NEB: variants seen among roughly 807,000 people sequenced by gnomAD.
NEB encodes the protein nemaline myopathy type 2.
NEB carries 512 observed loss-of-function variants against 952.2 expected under a neutral mutation model. That is an observed-to-expected ratio of 0.54 (90% CI 0.50 to 0.58). NEB has a LOEUF of 0.58. Ranked by LOEUF, NEB falls within the 20% of genes least tolerant of loss-of-function variation. The pLI is 0.00. For missense variants in NEB, 8,428 were observed against 9,231.1 expected, an observed-to-expected ratio of 0.91 and a Z score of 3.56; for synonymous variants, 2,900 against 3,149.8, an observed-to-expected ratio of 0.92 and a Z score of 2.66.
chr2:151,531,251 A>G lies in NEB; in HGVS notation c.21523-150T>C, dbSNP rs112305111. 1.7e-5 allele frequency: 9 copies of G among 519,952 alleles called. No individual in the cohort carries two copies. The East Asian group carries it at 2.6e-4, about 15-fold the overall frequency. 32.2% of individuals were successfully genotyped at this position (519,952 alleles called of 1,614,324 possible). On this transcript the variant is annotated intron_variant, in intron 144 of 181. Transcript: ENST00000397345. ...CTTTCATGCTCTCTGCTAAGACTTC[A>G]GTGTTTCCAGCTGGCGTGTCTGCCA...
intron 171 of NEB, 165 bp from the exon 172 acceptor site, chr2:151,497,198 A>C: frequency 1.3e-6 from 1 of 743,386 alleles, no homozygotes; most frequent in Non-Finnish European, 1.6e-6. Flanking sequence ...CTTTAGTGGA[A>C]GTTGTTGGGA....
rs532139457 is a variant in NEB, at chr2:151,716,283, C to T, written c.822+1133G>A. ...CCTCCCAAGTAGCTGAGATTACAGG[C>T]GCCCGCCACCACGCCTGGCTAATTT... On this transcript the variant is annotated intron_variant, in intron 10 of 181. Transcript: ENST00000397345. 9.4e-4 allele frequency: 271 copies of T among 287,218 alleles called. 2 individuals carry two copies. The highest frequency in any genetic ancestry group is 8.1e-3 in the South Asian group (241 of 29,886). 17.8% of individuals were successfully genotyped at this position (287,218 alleles called of 1,614,324 possible).
chr2:151,531,767 G>C, intron 144 of NEB, 25 bp downstream of exon 144: 2 of 1,539,972 alleles, frequency 1.3e-6, no homozygotes, highest in Admixed American at 1.7e-5. Context: ...AGTTTGAGAA[G>C]GTATTCAGTG....
At chr2:151,614,848 A>T (rs1441463572) in intron 76 of NEB, among the ~76,000 whole-genome samples, 1 of 152,146 alleles carries the variant, frequency 6.6e-6, no homozygotes, top group African/African-American at 2.4e-5. Flanking sequence ...TCCTTATTAT[A>T]CCACACTGCT....
chr2:151,658,636 G>A (rs1378711324), intron 47 of NEB, among the ~76,000 whole-genome samples: 3 of 152,168 alleles, frequency 2.0e-5, no homozygotes, highest in Non-Finnish European at 4.4e-5. Context: ...CACATTCTTT[G>A]TTTTGGGGTT....
At position 151,489,663 on chromosome 2, in the gene NEB, C is replaced by T. The variant is rs574477731; in HGVS notation, c.25404+308G>A. 3.3e-5 allele frequency among the ~76,000 whole-genome samples: 5 copies of T among 152,264 alleles called. No individual in the cohort carries two copies. In the East Asian group the frequency reaches 9.7e-4, roughly 29 times the overall value. ...CCTCCTGCATCAGCGTCCCAAAGTG[C>T]TGGCATTATAGGCATGATTCACTAT... On this transcript the variant is annotated intron_variant, in intron 181 of 181. Transcript: ENST00000397345.
intron 105 of NEB, among the ~76,000 whole-genome samples, 154 bp from the exon 106 acceptor site, chr2:151,576,508 A>ATT (rs2096848597): frequency 4.0e-5 from 2 of 50,038 alleles, no homozygotes; most frequent in African/African-American, 2.7e-4. Context: ...ATATATATAT[A>ATT]TATATATATT....
rs779434023 is a variant in NEB at position 151,551,865 on chromosome 2, T to G, written c.19837-20A>C. 4 of 1,566,046 alleles carry G rather than the reference T, an allele frequency of 2.6e-6. No individual in the cohort carries two copies. The highest frequency in any genetic ancestry group is 1.4e-5 in the African/African-American group (1 of 73,506). On this transcript the variant is annotated intron_variant, in intron 128 of 181. Transcript: ENST00000397345. Reference sequence around the variant, plus strand: ...GACAGCCTGGTGCAGAAAGAAGCATTGTTAGAAGCAAAGAGAATGGGAACC... The same window carrying G: ...GACAGCCTGGTGCAGAAAGAAGCATGGTTAGAAGCAAAGAGAATGGGAACC...
intron 149 of NEB, 26 bp downstream of exon 149, chr2:151,526,132 A>C: frequency 6.2e-7 from 1 of 1,611,572 alleles, no homozygotes; most frequent in Middle Eastern, 1.7e-4. Context: ...AGAGGGAAGC[A>C]GAACTCATGG....
In NEB at chr2:151,569,390, G is replaced by C. The variant is rs2096547281; in HGVS notation, c.17431-18C>G. 6.3e-7 allele frequency: 1 copy of C among 1,594,066 alleles called. No individual in the cohort carries two copies. Among genetic ancestry groups the C allele is most frequent in the Non-Finnish European group, 8.6e-7 (1 of 1,161,878 alleles). ...TAAACATTCTGTGAAAACAGGGCCA[G>C]AATGAGTTCAGCAACCCTGGTCATG... On this transcript the variant is annotated intron_variant, in intron 109 of 181. Transcript: ENST00000397345.
intron 151 of NEB, among the ~76,000 whole-genome samples, 173 bp downstream of exon 151, chr2:151,524,990 C>A (rs534008092): frequency 9.9e-5 from 15 of 152,128 alleles, no homozygotes; most frequent in Admixed American, 7.9e-4. Flanking sequence ...TTCTAAAAGT[C>A]CCCATTAAGC....
chr2:151,498,900 G>A (rs926546140), intron 169 of NEB, among the ~76,000 whole-genome samples: 35 of 122,626 alleles, frequency 2.9e-4, no homozygotes, highest in Admixed American at 9.3e-4. Context: ...CTAAAAAAAA[G>A]AAACTTCAAA....
At chr2:151,711,533 A>G (rs1223436613) in intron 10 of NEB, among the ~76,000 whole-genome samples, 2 of 152,192 alleles carry the variant, frequency 1.3e-5, no homozygotes, top group East Asian at 3.8e-4. Context: ...TCAAATGCCT[A>G]ATTTCCTTTC....
intron 179 of NEB, 67 bp from the exon 180 acceptor site, chr2:151,490,585 T>G (rs951514452): frequency 2.0e-5 from 31 of 1,530,342 alleles, no homozygotes; most frequent in African/African-American, 2.7e-5. Context: ...TGCCTAACAG[T>G]GATTGAATCT....
Position 151,506,889 on chromosome 2 carries a change from AAAAT to A in NEB, c.23556+16_23556+19del, listed in dbSNP as rs1243225003. The A allele has an allele frequency of 9.3e-6, 14 of 1,511,784 alleles. No homozygotes were observed. The highest frequency in any genetic ancestry group is 1.2e-5 in the Non-Finnish European group (13 of 1,089,516). 93.6% of individuals were successfully genotyped at this position (1,511,784 alleles called of 1,614,324 possible). A position where few individuals can be genotyped will look rare whatever the true frequency, so the allele number is the denominator to read the frequency against. ...AAATGACTAGGTTAGCATTAAATGC[AAAAT>A]AAATAGTAAATATACCGAGCTGAAA... On this transcript the variant is annotated intron_variant, in intron 163 of 181. Transcript: ENST00000397345.
At chr2:151,709,790 A>G (rs1193649429) in intron 11 of NEB, 27 bp from the exon 12 acceptor site, 3 of 1,503,238 alleles carry the variant, frequency 2.0e-6, no homozygotes, top group African/African-American at 2.7e-5. Flanking sequence ...AAGCTGAAGA[A>G]CTGCTGTGGA....
chr2:151,508,512 C>T (rs1225137663), intron 161 of NEB, among the ~76,000 whole-genome samples: 3 of 152,182 alleles, frequency 2.0e-5, no homozygotes, highest in African/African-American at 7.2e-5. Context: ...CGGAGAGAAG[C>T]TGGAGGGTTA....
At position 151,554,953 on chromosome 2, in the gene NEB, C is replaced by G. The variant is rs556624010; in HGVS notation, c.19406G>C (p.Arg6469Pro). ...TACATCGATGTTAAGCTTGCCAACTCGGAGGCACCGTGCTGTGTTCGGATC... is the reference window on the plus strand; with the variant it reads ...TACATCGATGTTAAGCTTGCCAACTGGGAGGCACCGTGCTGTGTTCGGATC... ...DDDPNTARCL[R>P]VGKLNIDRLY... The change falls in exon 125 of 182, where the codon CGA becomes CCA. Residue 6469 changes from arginine (R) to proline (P), a missense_variant. Physicochemically the swap from Arg to Pro is moderately radical, Grantham distance 103 (BLOSUM62 -2). Coordinates refer to ENST00000397345, the MANE Select transcript of NEB (RefSeq NM_001164508.2). 2.5e-6 allele frequency: 4 copies of G among 1,613,538 alleles called. No homozygotes were observed. Among genetic ancestry groups the G allele is most frequent in the East Asian group, 4.5e-5 (2 of 44,882 alleles).
intron 81 of NEB, among the ~76,000 whole-genome samples, chr2:151,609,289 C>G (rs901604051): frequency 2.0e-5 from 3 of 151,986 alleles, no homozygotes; most frequent in African/African-American, 7.2e-5. Flanking sequence ...GGGATAAGTG[C>G]ACGAGATTGT....
Sources: gnomAD v4.1 joint callset for allele counts (sites outside exome capture counted in the v4.1 genomes callset) on GRCh38, gnomAD v4.1.1 for gene constraint, MANE v1.5 for transcripts, NCBI Gene and HGNC (gene_info 2026-07-23, HGNC 2026-07-21) for gene names.